APC2: variants seen among roughly 807,000 people sequenced by gnomAD.
APC2 encodes the protein APC regulator of Wnt signaling pathway 2, also known as adenomatous polyposis coli protein 2.
APC2 carries 41 observed loss-of-function variants against 72.5 expected under a neutral mutation model. That is an observed-to-expected ratio of 0.57 (90% CI 0.44 to 0.73). APC2 has a LOEUF of 0.73. APC2 is among the 30% of genes least tolerant of loss of function. APC2 has a pLI of 0.00. For missense variants in APC2, 3,729 were observed against 3,403.4 expected (o/e 1.10, Z -2.38); for synonymous variants, 1,898 against 1,612.0 (o/e 1.18, Z -4.25).
rs2084071517 is a variant in APC2 at position 1,468,657 on chromosome 19, G to A, written c.5356G>A (p.Ala1786Thr). 1.3e-6 allele frequency: 2 copies of A among 1,586,748 alleles called. No homozygotes were observed. The highest frequency in any genetic ancestry group is 3.4e-5 in the Admixed American group (2 of 58,086). The change falls in exon 15 of 15, where the codon GCT becomes ACT. Residue 1786 changes from alanine to threonine, a missense_variant. Physicochemically the swap from Ala to Thr is moderately conservative, Grantham distance 58 (BLOSUM62 0). Coordinates refer to ENST00000590469, the MANE Select transcript of APC2 (RefSeq NM_005883.3). The part of the protein sequence containing the change: ...GTQKTTPGVP[A>T]VLRGRTVIYV... ...ACAGAAGACCACGCCCGGGGTGCCA[G>A]CTGTGCTCCGGGGACGAACAGTGAT...
In APC2 at chr19:1,468,973, C is replaced by A. The variant is rs1191637499; in HGVS notation, c.5672C>A (p.Pro1891His). 1 of 1,560,486 alleles carries A rather than the reference C, an allele frequency of 6.4e-7. No homozygotes were observed. The highest frequency in any genetic ancestry group is 1.8e-5 in the Admixed American group (1 of 54,966). The change falls in exon 15 of 15, where the codon CCC (proline) becomes CAC (histidine). Residue 1891 changes from proline (P) to histidine (H), a missense_variant. Coordinates refer to ENST00000590469, the MANE Select transcript of APC2 (RefSeq NM_005883.3). ...TCCCAGCCCCTGCCCAGAAAGCGCC[C>A]CCCGGTCACCCAGGCTGCTGGGGCC... ...PASQPLPRKRPPVTQAAGALP... is the reference protein window; with the variant it reads ...PASQPLPRKRHPVTQAAGALP...
At chr19:1,458,192 T>C (rs2083868678) in intron 10 of APC2, 132 bp downstream of exon 10, 2 of 801,010 alleles carry the variant, frequency 2.5e-6, no homozygotes, top group Non-Finnish European at 4.0e-6. Flanking sequence ...AGGGACAGAC[T>C]CCCTGGAGTC....
In APC2 at chr19:1,460,173, C is replaced by A; in HGVS notation, c.1304-8C>A. 1 of 1,613,196 alleles carries A rather than the reference C, an allele frequency of 6.2e-7. No individual in the cohort carries two copies. Among genetic ancestry groups the A allele is most frequent in the South Asian group, 1.1e-5 (1 of 91,076 alleles). ...CTGCCACCCACCAACCTTGTTGGGT[C>A]CTCACAGGTGGGCTGCAGGCCGTGG... On this transcript the variant is annotated splice_polypyrimidine_tract_variant and splice_region_variant and intron_variant, in intron 10 of 14. Coordinates refer to ENST00000590469, the MANE Select transcript of APC2 (RefSeq NM_005883.3).
At position 1,468,846 on chromosome 19, in the gene APC2, A is replaced by T; in HGVS notation, c.5545A>T (p.Thr1849Ser). ...RSRSLHRPAK[T>S]SELATLSQPP... ...GCGGAGCCTACACCGGCCTGCCAAG[A>T]CCTCGGAGCTGGCGACGCTGAGCCA... The change falls in exon 15 of 15, where the codon ACC becomes TCC. Residue 1849 changes from threonine (T) to serine (S), a missense_variant. By Grantham distance (58) the Thr-to-Ser change is moderately conservative. Transcript: ENST00000590469. 6.5e-7 allele frequency: 1 copy of T among 1,548,726 alleles called. No homozygotes were observed. Among genetic ancestry groups the T allele is most frequent in the South Asian group, 1.2e-5 (1 of 85,214 alleles).
Position 1,468,828 on chromosome 19 carries a change from C to G in APC2, c.5527C>G (p.Leu1843Val). Residue 1843 changes from leucine (L) to valine (V), a missense_variant, in exon 15 of 15, where the codon CTA (leucine) becomes GTA (valine). Physicochemically the swap from Leu to Val is conservative, Grantham distance 32. Transcript: ENST00000590469. Reference sequence around the variant, plus strand: ...CCCCGGGCAGCAGCGGTCGCGGAGCCTACACCGGCCTGCCAAGACCTCGGA... The same window carrying G: ...CCCCGGGCAGCAGCGGTCGCGGAGCGTACACCGGCCTGCCAAGACCTCGGA... The part of the protein sequence containing the change: ...PSPGQQRSRS[L>V]HRPAKTSELA... 6.5e-7 allele frequency: 1 copy of G among 1,549,910 alleles called. No homozygotes were observed. The highest frequency in any genetic ancestry group is 8.7e-7 in the Non-Finnish European group (1 of 1,154,140).
Position 1,456,380 on chromosome 19 carries a change from C to T in APC2, c.792C>T (p.Gly264=). ...AGGTCCCCACACACCCTGAGGATGG[C>T]ACCCCTCAGCCGGGCAACAGCAAGG... is the stretch of plus-strand genomic sequence containing the variant. ...ETEVPTHPED[G]TPQPGNSKVE... is the part of the protein sequence containing the mutation. The change falls in exon 8 of 15, where the codon GGC becomes GGT. Residue 264 remains glycine, a synonymous_variant. Coordinates refer to ENST00000590469, the MANE Select transcript of APC2 (RefSeq NM_005883.3). 1 of 1,606,316 alleles carries T rather than the reference C, an allele frequency of 6.2e-7. No homozygotes were observed. The highest frequency in any genetic ancestry group is 1.3e-5 in the African/African-American group (1 of 74,806).
intron 14 of APC2, among the ~76,000 whole-genome samples, chr19:1,462,728 T>C (rs1422657592): frequency 6.7e-6 from 1 of 150,012 alleles, no homozygotes. Context: ...CCCAGCACTT[T>C]GGGAGGCCGA....
In APC2 at chr19:1,456,338, C is replaced by T. The variant is rs771826211; in HGVS notation, c.750C>T (p.Asp250=). ...ALLAVKSVPV[D]EDPETEVPTH... is the part of the protein sequence containing the mutation. ...TGGCGGTGAAGTCGGTGCCGGTGGA[C>T]GAGGACCCCGAGACAGAGGTCCCCA... The change falls in exon 8 of 15, where the codon GAC becomes GAT. Residue 250 remains aspartate, a synonymous_variant. Transcript: ENST00000590469. The T allele has an allele frequency of 1.9e-6, 3 of 1,609,034 alleles. No individual in the cohort carries two copies. The highest frequency in any genetic ancestry group is 2.2e-5 in the South Asian group (2 of 90,356).
Position 1,469,880 on chromosome 19 carries a change from CGAG to C in APC2, c.6584_6586del (p.Glu2195del). 5 of 1,524,134 alleles carry C rather than the reference CGAG, an allele frequency of 3.3e-6. No individual in the cohort carries two copies. Among genetic ancestry groups the C allele is most frequent in the Non-Finnish European group, 4.4e-6 (5 of 1,142,458 alleles). The allele number at this position is 1,524,134 out of a possible 1,614,324, so 94.4% of individuals were successfully genotyped here. A position where few individuals can be genotyped will look rare whatever the true frequency, so the allele number is the denominator to read the frequency against. On this transcript the variant is annotated inframe_deletion, in exon 15 of 15. Coordinates refer to ENST00000590469, the MANE Select transcript of APC2 (RefSeq NM_005883.3). Reference sequence around the variant, plus strand: ...AGACCAGCGACGCCGTGGTCCAGACCGAGGAGGTCGCCGCCCCCAAGACCAACT... The same window carrying C: ...AGACCAGCGACGCCGTGGTCCAGACCGAGGTCGCCGCCCCCAAGACCAACT...
chr19:1,466,244 C>T lies in APC2; in HGVS notation c.2943C>T (p.Arg981=). ...LPGCQAEPPA[R]EATSADARVR... ...GCTGCCAGGCCGAGCCCCCGGCCCG[C>T]GAGGCCACCTCCGCCGACGCCCGCG... The change falls in exon 15 of 15, where the codon CGC becomes CGT. Residue 981 remains arginine (R), a synonymous_variant. Transcript: ENST00000590469. The T allele has an allele frequency of 6.5e-7, 1 of 1,536,384 alleles. No homozygotes were observed.
chr19:1,454,623 G>C (rs1015985146), intron 4 of APC2, among the ~76,000 whole-genome samples: 1 of 149,194 alleles, frequency 6.7e-6, no homozygotes, highest in Non-Finnish European at 1.5e-5. Flanking sequence ...GAGTGCAGTG[G>C]CGCGATCTCG....
At chr19:1,449,506 G>C (rs917724627), upstream of APC2, among the ~76,000 whole-genome samples, 1 of 152,198 alleles carries the variant, frequency 6.6e-6, no homozygotes, top group East Asian at 1.9e-4. Context: ...AGAGAACAGA[G>C]GGGGAGACAG....
At position 1,452,707 on chromosome 19, in the gene APC2, G is replaced by C. The variant is rs2083758539; in HGVS notation, c.-18-277G>C. On this transcript the variant is annotated intron_variant, in intron 1 of 14. Transcript: ENST00000590469. The surrounding 1 kb of genome is among the most constrained non-coding windows in gnomAD (Gnocchi z 5.1). ...CCGACCCATCGTCTGTCGGTCGACT[G>C]GTCAGTTGGACGTTCAGCTGTCTGT... is the stretch of plus-strand genomic sequence containing the variant. 17 of 429,506 alleles carry C rather than the reference G, an allele frequency of 4.0e-5. No individual in the cohort carries two copies. In the South Asian group the frequency reaches 4.9e-4, roughly 12 times the overall value. 26.6% of individuals were successfully genotyped at this position (429,506 alleles called of 1,614,324 possible).
At position 1,466,992 on chromosome 19, in the gene APC2, C is replaced by T. The variant is rs1003452213; in HGVS notation, c.3691C>T (p.Leu1231=). The change falls in exon 15 of 15, where the codon CTG becomes TTG. Residue 1231 remains leucine (L), a synonymous_variant. Coordinates refer to ENST00000590469, the MANE Select transcript of APC2 (RefSeq NM_005883.3). The part of the protein sequence containing the change: ...QGPPEATQFS[L]QWESYVKRFL... ...TCCCCCCGAGGCCACCCAGTTCAGC[C>T]TGCAGTGGGAGAGCTACGTGAAGCG... 5.6e-6 allele frequency: 9 copies of T among 1,609,126 alleles called. No individual in the cohort carries two copies. The highest frequency in any genetic ancestry group is 3.3e-4 in the Middle Eastern group (2 of 6,050).
rs113069770 is a variant in APC2, at chr19:1,452,131, C to A, written c.-18-853C>A. 1 of 150,474 alleles carries A rather than the reference C, an allele frequency of 6.6e-6. No homozygotes were observed. The highest frequency in any genetic ancestry group is 6.6e-5 in the Admixed American group (1 of 15,106). The allele number at this position is 150,474 out of a possible 1,614,324, so 9.3% of individuals were successfully genotyped here. ...GGAAGGGGGGCGTGAAGGGGGGCTC[C>A]GGCGGGAGGGCCGAGCCGAGGGAGG... is the stretch of plus-strand genomic sequence containing the variant. On this transcript the variant is annotated intron_variant, in intron 1 of 14. Transcript: ENST00000590469. The surrounding 1 kb of genome is among the most constrained non-coding windows in gnomAD (Gnocchi z 5.1).
chr19:1,451,747 CG>C (rs2083745326), intron 1 of APC2: 1 of 152,384 alleles, frequency 6.6e-6, no homozygotes, highest in Non-Finnish European at 1.5e-5. Context: ...AAGAAGGAGC[CG>C]GATGACATGG....
intron 11 of APC2, 137 bp downstream of exon 11, chr19:1,460,457 T>A (rs2083904742): frequency 1.4e-6 from 2 of 1,380,072 alleles, no homozygotes; most frequent in Non-Finnish European, 2.0e-6. Flanking sequence ...ACGGGTAGAC[T>A]GAGGCCCAGA....
chr19:1,460,084 G>C (rs1297998846), intron 10 of APC2, 97 bp from the exon 11 acceptor site: 1 of 1,526,056 alleles, frequency 6.6e-7, no homozygotes, highest in East Asian at 2.3e-5. Context: ...GCAGGTCTGG[G>C]GCATAGGGAG....
rs758820922 is a variant in APC2 at position 1,467,246 on chromosome 19, T to C, written c.3945T>C (p.Phe1315=). The change falls in exon 15 of 15, where the codon TTT becomes TTC. Residue 1315 remains phenylalanine (F), a synonymous_variant. Transcript: ENST00000590469. ...GCGCCGGGGGCGCCGGCCTCCACTT[T>C]GCAGGGCACCGGCGGCGGGAGGAGG... ...GGGAGGAGLH[F]AGHRRREEGP... 7.5e-7 allele frequency: 1 copy of C among 1,327,890 alleles called. No homozygotes were observed. Among genetic ancestry groups the C allele is most frequent in the Non-Finnish European group, 9.6e-7 (1 of 1,044,748 alleles). 82.3% of individuals were successfully genotyped at this position (1,327,890 alleles called of 1,614,324 possible). A position where few individuals can be genotyped will look rare whatever the true frequency, so the allele number is the denominator to read the frequency against.
Sources: gnomAD v4.1 joint callset for allele counts (sites outside exome capture counted in the v4.1 genomes callset) on GRCh38, gnomAD v4.1.1 for gene constraint, Gnocchi (gnomAD v3.1) non-coding constraint, MANE v1.5 for transcripts, NCBI Gene and HGNC (gene_info 2026-07-23, HGNC 2026-07-21) for gene names.